STX8: variants seen among roughly 807,000 people sequenced by gnomAD.
STX8 encodes syntaxin-8.
In STX8, 23 loss-of-function variants were observed where a neutral mutation model predicts 37.5. The ratio of observed to expected loss-of-function variants is 0.61; its 90% confidence interval spans 0.44 to 0.87. STX8 has a LOEUF of 0.87. STX8 is among the 40% of genes least tolerant of loss of function. The pLI is 0.00. For synonymous variants in STX8, 115 were observed against 99.1 expected (o/e 1.16, Z -0.95); for missense variants, 313 against 284.7 (o/e 1.10, Z -0.71).
intron 7 of STX8, among the ~76,000 whole-genome samples, chr17:9,308,721 CAAAAAAAAAAA>C (rs1171647976): frequency 2.8e-5 from 2 of 71,388 alleles, no homozygotes; most frequent in African/African-American, 4.5e-5. Context: ...GAAACTCCGT[CAAAAAAAAAAA>C]AAAAAAAAAA....
intron 7 of STX8, among the ~76,000 whole-genome samples, chr17:9,304,637 C>T (rs1458871572): frequency 6.6e-6 from 1 of 151,526 alleles, no homozygotes; most frequent in Non-Finnish European, 1.5e-5. Context: ...ATGGTAATTT[C>T]ATGTGGTTCA....
intron 6 of STX8, among the ~76,000 whole-genome samples, chr17:9,396,316 G>A (rs1321387703): frequency 6.6e-6 from 1 of 150,570 alleles, no homozygotes; most frequent in Non-Finnish European, 1.5e-5. Context: ...GTGGTTGCCA[G>A]GAGTTTGGGA....
intron 6 of STX8, among the ~76,000 whole-genome samples, chr17:9,426,657 A>T (rs1260207293): frequency 1.3e-5 from 2 of 151,844 alleles, no homozygotes; most frequent in African/African-American, 4.8e-5. Context: ...GCTACTCAGG[A>T]GGCTGAGGTG....
chr17:9,440,073 C>T (rs1904584859), intron 6 of STX8, among the ~76,000 whole-genome samples: 1 of 152,044 alleles, frequency 6.6e-6, no homozygotes, highest in Admixed American at 6.6e-5. Flanking sequence ...TAAAGTAGGT[C>T]ATTTCCAGAA....
chr17:9,529,547 G>A (rs1351829509), intron 4 of STX8, among the ~76,000 whole-genome samples: 33 of 152,086 alleles, frequency 2.2e-4, no homozygotes, highest in Non-Finnish European at 1.5e-5. Flanking sequence ...CAGAACCCCA[G>A]GAGCCCTGTC....
chr17:9,264,262 T>C (rs765479778), intron 7 of STX8, among the ~76,000 whole-genome samples: 4 of 152,188 alleles, frequency 2.6e-5, no homozygotes, highest in Non-Finnish European at 4.4e-5. Flanking sequence ...CACAGAATTG[T>C]GAAGTGTAGC....
intron 6 of STX8, among the ~76,000 whole-genome samples, chr17:9,403,640 CTTT>C (rs58822740): frequency 1.4e-5 from 2 of 147,478 alleles, no homozygotes; most frequent in African/African-American, 5.0e-5. Context: ...TTGAACATCA[CTTT>C]TTTTTTTTTA....
intron 5 of STX8, among the ~76,000 whole-genome samples, chr17:9,498,083 A>G (rs1904471636): frequency 6.6e-6 from 1 of 152,112 alleles, no homozygotes; most frequent in Admixed American, 6.6e-5. Flanking sequence ...GAAGGTAGGA[A>G]TGAAAGAGAA....
At chr17:9,560,461 A>G (rs534576716) in intron 2 of STX8, among the ~76,000 whole-genome samples, 1 of 152,022 alleles carries the variant, frequency 6.6e-6, no homozygotes, top group Admixed American at 6.6e-5. Context: ...GTGAAAAAAA[A>G]TCAAGGGCAT....
chr17:9,282,571 C>T (rs898662084), intron 7 of STX8, among the ~76,000 whole-genome samples: 1 of 152,200 alleles, frequency 6.6e-6, no homozygotes, highest in South Asian at 2.1e-4. Flanking sequence ...GTTGGTGCAA[C>T]TGGAAGCTAT....
At chr17:9,430,896 G>T (rs529580991) in intron 6 of STX8, among the ~76,000 whole-genome samples, 3 of 152,090 alleles carry the variant, frequency 2.0e-5, no homozygotes, top group African/African-American at 4.8e-5. Context: ...TGATCCACCC[G>T]CCTCGGCCTC....
chr17:9,534,924 C>A (rs1567600854), intron 4 of STX8, among the ~76,000 whole-genome samples: 1 of 152,072 alleles, frequency 6.6e-6, no homozygotes, highest in Non-Finnish European at 1.5e-5. Flanking sequence ...GAACACATTA[C>A]AAAGTCCAGA....
chr17:9,472,234 GCAGGGCATCA>G (rs1404409182), intron 6 of STX8, among the ~76,000 whole-genome samples: 1 of 152,182 alleles, frequency 6.6e-6, no homozygotes, highest in African/African-American at 2.4e-5. Context: ...GAAACAAAAG[GCAGGGCATCA>G]CCTTGTTCAA....
chr17:9,537,231 T>C (rs1223314876), intron 4 of STX8, among the ~76,000 whole-genome samples: 5 of 152,242 alleles, frequency 3.3e-5, no homozygotes, highest in Non-Finnish European at 1.5e-5. Flanking sequence ...CAAAGCTGCA[T>C]GCTTCACCAG....
intron 7 of STX8, among the ~76,000 whole-genome samples, chr17:9,269,145 CCACTG>C (rs1907354707): frequency 6.6e-6 from 1 of 151,328 alleles, no homozygotes; most frequent in African/African-American, 2.4e-5. Flanking sequence ...CGAGATTGCG[CCACTG>C]CACTCCAGCC....
chr17:9,550,238 G>A (rs1211069215), intron 3 of STX8, among the ~76,000 whole-genome samples: 3 of 142,792 alleles, frequency 2.1e-5, no homozygotes, highest in African/African-American at 5.2e-5. Flanking sequence ...AAAAAAAAAA[G>A]TAGTACAGCA....
At chr17:9,534,826 C>A (rs1043280279) in intron 4 of STX8, among the ~76,000 whole-genome samples, 3 of 151,728 alleles carry the variant, frequency 2.0e-5, no homozygotes, top group Non-Finnish European at 4.4e-5. Context: ...AGTTTAATGG[C>A]AGATTTGTCC....
chr17:9,358,543 TA>T (rs992593295), intron 7 of STX8, among the ~76,000 whole-genome samples: 3 of 152,206 alleles, frequency 2.0e-5, no homozygotes, highest in African/African-American at 7.2e-5. Context: ...TAACAGTTTT[TA>T]AATGCACTTC....
rs57248368 is a variant in STX8, at chr17:9,274,678, A to AAATAATAATAATAAT, written c.644-24048_644-24034dup. ...GCAACAGTGTGAGACTCTGTCTCAA[A>AAATAATAATAATAAT]AATAATAATAATAATAATAATAATA... On this transcript the variant is annotated intron_variant, in intron 7 of 7. Transcript: ENST00000306357. 3.9e-3 allele frequency among the ~76,000 whole-genome samples: 415 copies of AAATAATAATAATAAT among 106,678 alleles called. 5 individuals carry two copies. Among genetic ancestry groups the AAATAATAATAATAAT allele is most frequent in the South Asian group, 0.015 (43 of 2,812 alleles). 70.0% of individuals were successfully genotyped at this position (106,678 alleles called of 152,430 possible).
Sources: allele counts gnomAD v4.1 joint callset (sites outside exome capture counted in the v4.1 genomes callset), GRCh38; gene constraint gnomAD v4.1.1; transcripts MANE v1.5; gene names NCBI Gene and HGNC (gene_info 2026-07-23, HGNC 2026-07-21).